Variants in FLYWCH1 observed in about 807,000 individuals in gnomAD.
FLYWCH1 encodes the protein FLYWCH-type zinc finger 1.
In FLYWCH1, 75 loss-of-function variants were observed where a neutral mutation model predicts 66.4. The ratio of observed to expected loss-of-function variants is 1.13; its 90% CI spans 0.94 to 1.37. The LOEUF is 1.37. FLYWCH1 is among the 40% of genes most tolerant of loss of function. FLYWCH1 has a pLI of 0.00. For missense variants in FLYWCH1, 1,334 were observed against 1,001.8 expected (o/e 1.33, Z -4.48); for synonymous variants, 595 against 429.9 (o/e 1.38, Z -4.75).
At chr16:2,948,319 T>C (rs921305548) in intron 9 of FLYWCH1, among the ~76,000 whole-genome samples, 2 of 151,620 alleles carry the variant, frequency 1.3e-5, no homozygotes, top group African/African-American at 4.9e-5. Flanking sequence ...AGCACTTTGG[T>C]AGGCGGAGGT....
intron 2 of FLYWCH1, among the ~76,000 whole-genome samples, chr16:2,921,830 A>T (rs543447250): frequency 3.5e-4 from 53 of 152,280 alleles, no homozygotes; most frequent in African/African-American, 1.3e-3. Context: ...TTGGGAGGCC[A>T]AGACAGGCAG....
chr16:2,945,632 C>CAA (rs34393477), intron 9 of FLYWCH1, among the ~76,000 whole-genome samples: 39 of 112,222 alleles, frequency 3.5e-4, no homozygotes, highest in African/African-American at 1.0e-3. Flanking sequence ...GACTACATCT[C>CAA]AAAAAAAAAA....
At chr16:2,936,828 G>C in intron 6 of FLYWCH1, 1 of 601,572 alleles carries the variant, frequency 1.7e-6, no homozygotes, top group East Asian at 3.6e-5. Flanking sequence ...GCGGGTGCTG[G>C]GGACGGACGA....
At chr16:2,940,189 A>C in intron 9 of FLYWCH1, 97 bp downstream of exon 9, 2 of 695,584 alleles carry the variant, frequency 2.9e-6, no homozygotes, top group Non-Finnish European at 5.3e-6. Flanking sequence ...TTTGTGGGTC[A>C]ACATTATGGG....
At position 2,930,544 on chromosome 16, in the gene FLYWCH1, G is replaced by C; in HGVS notation, c.460G>C (p.Gly154Arg). 1.9e-6 allele frequency: 3 copies of C among 1,549,504 alleles called. No homozygotes were observed. The highest frequency in any genetic ancestry group is 2.6e-6 in the Non-Finnish European group (3 of 1,151,612). Residue 154 changes from glycine to arginine, a missense_variant, in exon 4 of 10, where the codon GGC becomes CGC. Transcript: ENST00000253928. ...GAAGTGCCGCCAACATGCTGAGCTG[G>C]GCTGCCGGGGCCGGGCCATCACCCG... ...YWKCRQHAEL[G>R]CRGRAITRGL...
intron 2 of FLYWCH1, among the ~76,000 whole-genome samples, chr16:2,919,563 C>G (rs941714945): frequency 6.6e-6 from 1 of 152,098 alleles, no homozygotes; most frequent in African/African-American, 2.4e-5. Context: ...CGCGTCTGGC[C>G]TATTTTTTGT....
chr16:2,932,417 A>G (rs192379760), intron 4 of FLYWCH1, among the ~76,000 whole-genome samples: 23 of 152,228 alleles, frequency 1.5e-4, no homozygotes, highest in African/African-American at 5.1e-4. Context: ...GCTTTATCCT[A>G]AGGTGGCTGT....
chr16:2,943,950 A>T (rs1348677302), intron 9 of FLYWCH1, among the ~76,000 whole-genome samples: 1 of 152,096 alleles, frequency 6.6e-6, no homozygotes, highest in Non-Finnish European at 1.5e-5. Flanking sequence ...AAAAAAATTT[A>T]AAAATTAGCT....
intron 2 of FLYWCH1, among the ~76,000 whole-genome samples, chr16:2,920,644 G>C (rs1236439680): frequency 1.3e-5 from 2 of 151,842 alleles, no homozygotes; most frequent in African/African-American, 2.4e-5. Context: ...GTGCAATAGC[G>C]TGAGCTCCTG....
At chr16:2,930,362 C>A in intron 3 of FLYWCH1, 48 bp from the exon 4 acceptor site, 1 of 1,237,062 alleles carries the variant, frequency 8.1e-7, no homozygotes, top group Non-Finnish European at 1.1e-6. Context: ...TGCCTGCGAC[C>A]CTGAGCTTTG....
intron 9 of FLYWCH1, among the ~76,000 whole-genome samples, chr16:2,947,325 G>A (rs1037796509): frequency 1.3e-5 from 2 of 152,216 alleles, no homozygotes; most frequent in Non-Finnish European, 1.5e-5. Context: ...GGAAGCTGAG[G>A]AGTGACACTA....
intron 9 of FLYWCH1, among the ~76,000 whole-genome samples, chr16:2,943,138 G>A (rs917954066): frequency 2.0e-5 from 3 of 151,752 alleles, no homozygotes; most frequent in Admixed American, 1.3e-4. Flanking sequence ...CTGGCATTTC[G>A]GTGACCATAT....
intron 2 of FLYWCH1, among the ~76,000 whole-genome samples, chr16:2,924,844 T>C (rs1216205175): frequency 6.6e-6 from 1 of 152,224 alleles, no homozygotes; most frequent in Non-Finnish European, 1.5e-5. Flanking sequence ...TTTCTTGTAT[T>C]GGAACTTTTT....
chr16:2,919,110 T>C (rs1287904572), intron 2 of FLYWCH1, among the ~76,000 whole-genome samples: 1 of 151,798 alleles, frequency 6.6e-6, no homozygotes, highest in African/African-American at 2.4e-5. Flanking sequence ...TAATCTTTTG[T>C]GTTTTAGTAG....
At chr16:2,916,941 G>A (rs144398476) in intron 2 of FLYWCH1, among the ~76,000 whole-genome samples, 7 of 149,624 alleles carry the variant, frequency 4.7e-5, no homozygotes, top group African/African-American at 9.9e-5. Context: ...TCAGGAGTTC[G>A]AGATTAGCCT....
intron 2 of FLYWCH1, among the ~76,000 whole-genome samples, chr16:2,926,502 C>G (rs906560824): frequency 1.3e-5 from 2 of 152,146 alleles, no homozygotes; most frequent in African/African-American, 4.8e-5. Context: ...TGTAATCGCT[C>G]GGTCAATGCA....
chr16:2,934,595 C>A (rs1323150893), intron 6 of FLYWCH1: 2 of 455,678 alleles, frequency 4.4e-6, no homozygotes, highest in Non-Finnish European at 8.8e-6. Flanking sequence ...CACTCACCTG[C>A]TCTTCCTTCA....
In FLYWCH1 at chr16:2,937,294, C is replaced by G; in HGVS notation, c.1687C>G (p.Arg563Gly). The G allele has an allele frequency of 1.2e-6, 2 of 1,603,896 alleles. No individual in the cohort carries two copies. Among genetic ancestry groups the G allele is most frequent in the Middle Eastern group, 1.9e-4 (1 of 5,162 alleles). Reference protein sequence around the residue: ...ITQGRRVMVMRRHCHPPDLGG... With the variant: ...ITQGRRVMVMGRHCHPPDLGG... ...CCAGGGCCGGCGGGTCATGGTCATG[C>G]GCAGGCACTGCCACCCACCGGACCT... The change falls in exon 7 of 10, where the codon CGC (arginine) becomes GGC (glycine). Residue 563 changes from arginine (R) to glycine (G), a missense_variant. Coordinates refer to ENST00000253928, the MANE Select transcript of FLYWCH1 (RefSeq NM_001308068.2).
At chr16:2,940,266 T>TCTGAAGGCCCAAGTGAGG (rs2071206268) in intron 9 of FLYWCH1, 174 bp downstream of exon 9, 1 of 543,770 alleles carries the variant, frequency 1.8e-6, no homozygotes, top group Non-Finnish European at 3.3e-6. Context: ...GTGGCAGTCA[T>TCTGAAGGCCCAAGTGAGG]CTGAAGGCCC....
Sources: gnomAD v4.1 joint callset for allele counts (sites outside exome capture counted in the v4.1 genomes callset) on GRCh38, gnomAD v4.1.1 for gene constraint, MANE v1.5 for transcripts, NCBI Gene and HGNC (gene_info 2026-07-23, HGNC 2026-07-21) for gene names.